Variants in VTI1A observed in about 807,000 individuals in gnomAD.
The protein encoded by VTI1A is vesicle transport through interaction with t-SNAREs homolog 1A.
Under a neutral mutation model 34.9 loss-of-function variants are expected in VTI1A, and 22 were observed. The observed-to-expected ratio is 0.63, with a 90% CI of 0.45 to 0.90. The LOEUF is 0.90. Among genes scored for constraint, VTI1A ranks in the 40% least tolerant of loss-of-function variants. VTI1A has a pLI of 0.00. For missense variants in VTI1A, 268 were observed against 275.6 expected (o/e 0.97, Z 0.20); for synonymous variants, 87 against 97.3 (o/e 0.89, Z 0.62).
intron 5 of VTI1A, among the ~76,000 whole-genome samples, chr10:112,601,829 G>C (rs1315845178): frequency 6.6e-6 from 1 of 152,098 alleles, no homozygotes; most frequent in Non-Finnish European, 1.5e-5. Flanking sequence ...TTTCTGAAGG[G>C]CATTGGGAAA....
At chr10:112,805,680 G>GC (rs1218677679) in intron 7 of VTI1A, among the ~76,000 whole-genome samples, 1 of 152,162 alleles carries the variant, frequency 6.6e-6, no homozygotes, top group African/African-American at 2.4e-5. Flanking sequence ...TTGAACACAG[G>GC]CACTCACACA....
At chr10:112,752,984 G>A (rs1191158878) in intron 7 of VTI1A, among the ~76,000 whole-genome samples, 2 of 151,956 alleles carry the variant, frequency 1.3e-5, no homozygotes, top group Admixed American at 6.6e-5. Context: ...CATGAAGCCT[G>A]AAAAACGGTT....
At chr10:112,699,125 T>C (rs1848901045) in intron 7 of VTI1A, among the ~76,000 whole-genome samples, 2 of 152,272 alleles carry the variant, frequency 1.3e-5, no homozygotes, top group African/African-American at 4.8e-5. Context: ...AATGATTTCA[T>C]ATTCTCTTTC....
chr10:112,484,754 A>G (rs1848561735), intron 3 of VTI1A, among the ~76,000 whole-genome samples: 1 of 151,968 alleles, frequency 6.6e-6, no homozygotes, highest in South Asian at 2.1e-4. Context: ...TTTAAGACCC[A>G]AGATTTATGA....
chr10:112,456,421 CAAAA>C (rs71035387), intron 1 of VTI1A, among the ~76,000 whole-genome samples: 2 of 84,166 alleles, frequency 2.4e-5, no homozygotes, highest in Non-Finnish European at 4.8e-5. Context: ...GAGTCCATCT[CAAAA>C]AAAAAAAAAA....
rs1022677975 is a variant in VTI1A at position 112,814,697 on chromosome 10, A to G, written c.561-593A>G. 1.3e-5 allele frequency among the ~76,000 whole-genome samples: 2 copies of G among 152,130 alleles called. 1 individual carries two copies. The highest frequency in any genetic ancestry group is 2.9e-5 in the Non-Finnish European group (2 of 68,016). On this transcript the variant is annotated intron_variant, in intron 7 of 7. Coordinates refer to ENST00000393077, the MANE Select transcript of VTI1A (RefSeq NM_145206.4). ...CTCATTTCCATCTTTTTTGCTATGG[A>G]GCAAATGTAACGTTTCCTCCTAGCG...
chr10:112,812,084 CTTTTATT>C, intron 7 of VTI1A, among the ~76,000 whole-genome samples: 1 of 152,198 alleles, frequency 6.6e-6, no homozygotes. Context: ...GCCCACATTC[CTTTTATT>C]TTGGCTCTGC....
intron 3 of VTI1A, among the ~76,000 whole-genome samples, chr10:112,502,944 A>G (rs1849294084): frequency 6.6e-6 from 1 of 152,188 alleles, no homozygotes; most frequent in Admixed American, 6.5e-5. Context: ...GTGATTCTTT[A>G]GGAACAAACA....
chr10:112,846,509 G>A, the VTI1A span, among the ~76,000 whole-genome samples: 1 of 152,240 alleles, frequency 6.6e-6, no homozygotes, highest in Non-Finnish European at 1.5e-5. Context: ...GCTCACGCCT[G>A]TAATCCCAGC....
intron 3 of VTI1A, among the ~76,000 whole-genome samples, chr10:112,505,367 T>C (rs773104387): frequency 7.9e-5 from 12 of 152,174 alleles, no homozygotes; most frequent in Non-Finnish European, 1.5e-5. Flanking sequence ...AATTCACTTA[T>C]TGTTTGCAAT....
chr10:112,753,362 G>T (rs1453595028), intron 7 of VTI1A, among the ~76,000 whole-genome samples: 1 of 152,012 alleles, frequency 6.6e-6, no homozygotes, highest in Non-Finnish European at 1.5e-5. Flanking sequence ...TCTAGAAAGG[G>T]ATTAAGTTTG....
intron 3 of VTI1A, among the ~76,000 whole-genome samples, chr10:112,516,497 G>C (rs1312204138): frequency 2.0e-5 from 3 of 151,936 alleles, no homozygotes; most frequent in African/African-American, 7.2e-5. Context: ...TTGATATTCT[G>C]TTAGAAAAGG....
Position 112,460,552 on chromosome 10 carries a change from G to A in VTI1A, c.123G>A (p.Val41=). ...PDEKKQMVAN[V]EKQLEEAKEL... The stretch of plus-strand genomic sequence containing the variant: ...AAAAGAAACAGATGGTTGCAAATGT[G>A]GAGAAACAGCTTGAAGAAGCGAAAG... The change falls in exon 2 of 8, where the codon GTG becomes GTA. Residue 41 remains valine (V), a synonymous_variant. Transcript: ENST00000393077. The A allele has an allele frequency of 3.7e-6, 6 of 1,609,734 alleles. No individual in the cohort carries two copies. Among genetic ancestry groups the A allele is most frequent in the Non-Finnish European group, 5.1e-6 (6 of 1,178,152 alleles).
At chr10:112,855,249 G>A in the VTI1A span, among the ~76,000 whole-genome samples, 1 of 152,134 alleles carries the variant, frequency 6.6e-6, no homozygotes, top group Admixed American at 6.5e-5. Context: ...CAAGATTAGT[G>A]GCTTCCCCTC....
intron 3 of VTI1A, among the ~76,000 whole-genome samples, chr10:112,484,393 A>C (rs909917680): frequency 6.6e-6 from 1 of 152,222 alleles, no homozygotes; most frequent in Non-Finnish European, 1.5e-5. Context: ...ATGCTTTGGA[A>C]TATTGGGCTC....
chr10:112,665,582 G>A (rs1247496709), intron 5 of VTI1A, among the ~76,000 whole-genome samples: 1 of 152,134 alleles, frequency 6.6e-6, no homozygotes, highest in African/African-American at 2.4e-5. Context: ...GAGATTGTGG[G>A]AGTGGTTTAT....
intron 5 of VTI1A, among the ~76,000 whole-genome samples, chr10:112,549,487 C>A (rs529124033): frequency 7.9e-5 from 12 of 152,092 alleles, no homozygotes; most frequent in South Asian, 6.2e-4. Context: ...CAAATTGTTG[C>A]GAAAATAACA....
At chr10:112,498,782 G>T (rs930914513) in intron 3 of VTI1A, among the ~76,000 whole-genome samples, 1 of 152,052 alleles carries the variant, frequency 6.6e-6, no homozygotes, top group East Asian at 1.9e-4. Flanking sequence ...ACTTCCAAGG[G>T]TTATCATATT....
At chr10:112,581,871 T>C (rs953541040) in intron 5 of VTI1A, among the ~76,000 whole-genome samples, 7 of 152,192 alleles carry the variant, frequency 4.6e-5, no homozygotes, top group Non-Finnish European at 8.8e-5. Flanking sequence ...AGAAACTTAA[T>C]AGGCAAAATG....
Sources: allele counts gnomAD v4.1 joint callset (sites outside exome capture counted in the v4.1 genomes callset), GRCh38; gene constraint gnomAD v4.1.1; transcripts MANE v1.5; gene names NCBI Gene and HGNC (gene_info 2026-07-23, HGNC 2026-07-21).